Variants in MCC observed in about 807,000 individuals in gnomAD.
MCC encodes MCC regulator of Wnt signaling pathway, also known as colorectal mutant cancer protein.
MCC carries 90 observed loss-of-function variants against 116.2 expected under a neutral mutation model. The ratio of observed to expected loss-of-function variants is 0.77; its 90% CI spans 0.65 to 0.92. The LOEUF (loss-of-function observed/expected upper bound fraction) is 0.92, where lower values mean the gene tolerates loss of function less well. Among genes scored for constraint, MCC ranks in the 40% least tolerant of loss-of-function variants. The pLI, the probability that MCC is intolerant of heterozygous loss-of-function variation, is 0.00. For synonymous variants in MCC, 578 were observed against 510.5 expected, an observed-to-expected ratio of 1.13 and a Z score of -1.78; for missense variants, 1,516 against 1,312.2, an observed-to-expected ratio of 1.16 and a Z score of -2.40.
At chr5:113,087,100 G>T (rs969300314) in intron 8 of MCC, among the ~76,000 whole-genome samples, 1 of 152,214 alleles carries the variant, frequency 6.6e-6, no homozygotes, top group African/African-American at 2.4e-5. Context: ...TCTAGACAGG[G>T]CAGAGAACAG....
At chr5:113,254,597 A>G (rs1764936242) in intron 3 of MCC, among the ~76,000 whole-genome samples, 1 of 152,230 alleles carries the variant, frequency 6.6e-6, no homozygotes, top group Non-Finnish European at 1.5e-5. Flanking sequence ...AAAGTATGCC[A>G]TGATCCTAAG....
intron 1 of MCC, among the ~76,000 whole-genome samples, chr5:113,431,141 T>C (rs1770628242): frequency 6.6e-6 from 1 of 151,930 alleles, no homozygotes; most frequent in African/African-American, 2.4e-5. Context: ...AGTGAAAGGA[T>C]TGGAGGAGTT....
chr5:113,247,675 G>A (rs1422989465), intron 3 of MCC, among the ~76,000 whole-genome samples: 20 of 152,108 alleles, frequency 1.3e-4, no homozygotes, highest in Admixed American at 7.9e-4. Flanking sequence ...GATGGGGACC[G>A]GTCCACAGAG....
intron 3 of MCC, among the ~76,000 whole-genome samples, chr5:113,211,356 AC>A (rs1389663124): frequency 2.6e-5 from 4 of 152,170 alleles, no homozygotes; most frequent in Non-Finnish European, 5.9e-5. Context: ...TTTATAAGCC[AC>A]CCAGCTTATG....
At chr5:113,044,164 G>A (rs143920970) in intron 16 of MCC, among the ~76,000 whole-genome samples, 11 of 152,162 alleles carry the variant, frequency 7.2e-5, no homozygotes, top group Non-Finnish European at 1.3e-4. Context: ...CCCATCCCAC[G>A]TCTCCTTGGG....
chr5:113,197,575 C>G (rs1762473876), intron 3 of MCC, among the ~76,000 whole-genome samples: 1 of 152,294 alleles, frequency 6.6e-6, no homozygotes, highest in Admixed American at 6.5e-5. Context: ...GACAGCCAAT[C>G]TCTTTAATTT....
In MCC at chr5:113,043,578, G is replaced by GT; in HGVS notation, c.2707dup (p.Thr903AsnfsTer6). On this transcript the variant is annotated frameshift_variant, in exon 17 of 19. Coordinates refer to ENST00000408903, the MANE Select transcript of MCC (RefSeq NM_001085377.2). LOFTEE classifies it high-confidence loss of function. ...CGCAGCCAGCTCATTCTCGCTGCAC[G>GT]TTGTCCTGAGTTCGGCTAGGGACAG... The GT allele has an allele frequency of 6.2e-7, 1 of 1,614,096 alleles. No homozygotes were observed. Among genetic ancestry groups the GT allele is most frequent in the Non-Finnish European group, 8.5e-7 (1 of 1,179,996 alleles).
chr5:113,480,195 T>A (rs547194826), intron 1 of MCC, among the ~76,000 whole-genome samples: 12 of 152,346 alleles, frequency 7.9e-5, no homozygotes, highest in Non-Finnish European at 1.5e-4. Context: ...ATATTCTCCA[T>A]TAAATCTGAC....
At chr5:113,064,223 T>A in intron 13 of MCC, 56 bp from the exon 14 acceptor site, 1 of 1,496,258 alleles carries the variant, frequency 6.7e-7, no homozygotes. Context: ...AAGGCACGCC[T>A]GGGAGGGACT....
At chr5:113,134,828 G>A (rs1324637504) in intron 5 of MCC, among the ~76,000 whole-genome samples, 2 of 151,574 alleles carry the variant, frequency 1.3e-5, no homozygotes, top group Non-Finnish European at 2.9e-5. Flanking sequence ...GGCATAAATA[G>A]ATTAACAATA....
At chr5:113,324,887 C>T (rs558839626) in intron 3 of MCC, among the ~76,000 whole-genome samples, 25 of 150,850 alleles carry the variant, frequency 1.7e-4, no homozygotes, top group Non-Finnish European at 2.8e-4. Flanking sequence ...GGCTAGAGTG[C>T]GGTGGTGCAG....
At chr5:113,061,261 A>AATTTC (rs1753197451) in intron 14 of MCC, among the ~76,000 whole-genome samples, 1 of 152,090 alleles carries the variant, frequency 6.6e-6, no homozygotes. Flanking sequence ...CAAGGGACTC[A>AATTTC]ATTTCAGTCT....
chr5:113,231,615 A>T (rs1450519329), intron 3 of MCC, among the ~76,000 whole-genome samples: 1 of 152,092 alleles, frequency 6.6e-6, no homozygotes, highest in Non-Finnish European at 1.5e-5. Flanking sequence ...TTTCCCCCAT[A>T]TCATCTCTAA....
intron 8 of MCC, among the ~76,000 whole-genome samples, chr5:113,089,277 C>CA (rs1424805935): frequency 6.6e-6 from 1 of 152,282 alleles, no homozygotes; most frequent in Non-Finnish European, 1.5e-5. Context: ...CGCTAGAACT[C>CA]AATCTTGAAG....
chr5:113,355,239 A>G (rs1175556803), intron 2 of MCC, among the ~76,000 whole-genome samples: 2 of 152,232 alleles, frequency 1.3e-5, no homozygotes, highest in African/African-American at 4.8e-5. Flanking sequence ...AAAGGGCACC[A>G]ACAAGGACCT....
intron 1 of MCC, among the ~76,000 whole-genome samples, chr5:113,482,985 C>T (rs960498099): frequency 6.6e-6 from 1 of 152,088 alleles, no homozygotes; most frequent in South Asian, 2.1e-4. Flanking sequence ...CCAGTTGTCC[C>T]CATATCATTT....
At chr5:113,223,648 G>A (rs570722189) in intron 3 of MCC, among the ~76,000 whole-genome samples, 20 of 152,230 alleles carry the variant, frequency 1.3e-4, no homozygotes, top group African/African-American at 4.6e-4. Context: ...ATTCGATAAA[G>A]GGAAAGGGAG....
intron 17 of MCC, among the ~76,000 whole-genome samples, chr5:113,035,942 AAC>A (rs1751300076): frequency 6.6e-6 from 1 of 151,782 alleles, no homozygotes; most frequent in Non-Finnish European, 1.5e-5. Flanking sequence ...TTATAAGGAT[AAC>A]ATCATTTCAT....
At chr5:113,439,694 C>T (rs1310448168) in intron 1 of MCC, among the ~76,000 whole-genome samples, 1 of 152,148 alleles carries the variant, frequency 6.6e-6, no homozygotes, top group Non-Finnish European at 1.5e-5. Flanking sequence ...ATAACTCATT[C>T]AATCTCTTTG....
Sources: gnomAD v4.1 joint callset for allele counts (sites outside exome capture counted in the v4.1 genomes callset) on GRCh38, gnomAD v4.1.1 for gene constraint, MANE v1.5 for transcripts, NCBI Gene and HGNC (gene_info 2026-07-23, HGNC 2026-07-21) for gene names.